ZFAND5: variants seen among roughly 807,000 people sequenced by gnomAD.
The protein encoded by ZFAND5 is zinc finger AN1-type containing 5.
A neutral mutation model predicts 23.6 loss-of-function variants in ZFAND5; 4 were observed. That is an observed-to-expected ratio of 0.17 (90% CI 0.08 to 0.39). The LOEUF is 0.39. ZFAND5 is among the 10% of genes least tolerant of loss of function. The pLI is 1.00. For synonymous variants in ZFAND5, 68 were observed against 80.6 expected (o/e 0.84, Z 0.84); for missense variants, 161 against 253.7 (o/e 0.63, Z 2.48).
chr9:72,356,177 A>C, intron 6 of ZFAND5, 76 bp from the exon 7 acceptor site: 1 of 1,533,790 alleles, frequency 6.5e-7, no homozygotes, highest in Non-Finnish European at 8.8e-7. Flanking sequence ...TCACTATAGA[A>C]AAGGAACCAG....
rs1418362274 is a variant in ZFAND5 at position 72,354,614 on chromosome 9, G to A, written c.*1339C>T. Reference sequence around the variant, plus strand: ...CATAAAATTGAAAGCAAAACTGAATGCTTTAAGAATAAAAGTAAAAACTAG... The same window carrying A: ...CATAAAATTGAAAGCAAAACTGAATACTTTAAGAATAAAAGTAAAAACTAG... On this transcript the variant is annotated 3_prime_UTR_variant, in exon 7 of 7. Transcript: ENST00000376962. The A allele has an allele frequency of 6.6e-6, 1 of 152,612 alleles. No homozygotes were observed. Among genetic ancestry groups the A allele is most frequent in the Admixed American group, 6.5e-5 (1 of 15,276 alleles). 9.5% of individuals were successfully genotyped at this position (152,612 alleles called of 1,614,324 possible).
rs928672479 is a variant in ZFAND5, at chr9:72,355,317, TTGA to T, written c.*633_*635del. The T allele has an allele frequency of 8.5e-5, 13 of 152,666 alleles. No individual in the cohort carries two copies. The highest frequency in any genetic ancestry group is 3.1e-4 in the African/African-American group (13 of 41,460). 9.5% of individuals were successfully genotyped at this position (152,666 alleles called of 1,614,324 possible). ...GTTATCTCAAGACCCTGTTGTTGGC[TTGA>T]TGGTTTTACTTATAACCAGTTTCGA... On this transcript the variant is annotated 3_prime_UTR_variant, in exon 7 of 7. Transcript: ENST00000376962.
At chr9:72,358,009 A>G (rs1229602884) in intron 5 of ZFAND5, among the ~76,000 whole-genome samples, 2 of 152,006 alleles carry the variant, frequency 1.3e-5, no homozygotes, top group African/African-American at 4.8e-5. Context: ...TTTTAATATT[A>G]ATCCAAATGT....
rs1290958476 is a variant in ZFAND5, at chr9:72,353,075, C to CA, written c.*2877dup. 2.6e-5 allele frequency: 4 copies of CA among 152,248 alleles called. No individual in the cohort carries two copies. Among genetic ancestry groups the CA allele is most frequent in the African/African-American group, 9.6e-5 (4 of 41,462 alleles). The allele number at this position is 152,248 out of a possible 1,614,324, so 9.4% of individuals were successfully genotyped here. On this transcript the variant is annotated 3_prime_UTR_variant, in exon 7 of 7. Coordinates refer to ENST00000376962, the MANE Select transcript of ZFAND5 (RefSeq NM_001102420.3). ...GAAGATGAGGTTTTCAAAAAGGACT[C>CA]ACCCATTTATACTGCGAATTCATGT...
In ZFAND5 at chr9:72,360,169, T is replaced by C. The variant is rs1226765240; in HGVS notation, c.204A>G (p.Arg68=). ...CACAGTTGTTTAAGCTAGTGTCTGCTCTCTGTACAGATGCAGAATCTGAGG... is the reference window on the plus strand; with the variant it reads ...CACAGTTGTTTAAGCTAGTGTCTGCCCTCTGTACAGATGCAGAATCTGAGG... The part of the protein sequence containing the change: ...SPTSDSASVQ[R]ADTSLNNCEG... Residue 68 remains arginine (R), a synonymous_variant, in exon 4 of 7, where the codon AGA becomes AGG. Transcript: ENST00000376962. The C allele has an allele frequency of 6.2e-7, 1 of 1,612,926 alleles. No homozygotes were observed. The highest frequency in any genetic ancestry group is 1.7e-5 in the Admixed American group (1 of 59,950).
chr9:72,363,095 T>G (rs569811883), intron 2 of ZFAND5, among the ~76,000 whole-genome samples: 1 of 152,278 alleles, frequency 6.6e-6, no homozygotes, highest in Admixed American at 6.5e-5. Context: ...TCAAGGTTGT[T>G]GATAAAAAAC....
chr9:72,364,712 T>G lies in ZFAND5; in HGVS notation c.-163A>C. On this transcript the variant is annotated 5_prime_UTR_variant, in exon 1 of 7. Coordinates refer to ENST00000376962, the MANE Select transcript of ZFAND5 (RefSeq NM_001102420.3). ...ATCACTCACCCTGCAGGGTCCCAAA[T>G]GCGAAAGCCGGGTTCGCGCGCGAAG... is the stretch of plus-strand genomic sequence containing the variant. The G allele has an allele frequency of 7.0e-6, 6 of 854,438 alleles. No homozygotes were observed. The highest frequency in any genetic ancestry group is 4.7e-5 in the South Asian group (2 of 42,184). The allele number at this position is 854,438 out of a possible 1,614,324, so 52.9% of individuals were successfully genotyped here.
chr9:72,358,143 ACT>A (rs562917663), intron 5 of ZFAND5, among the ~76,000 whole-genome samples: 188 of 152,200 alleles, frequency 1.2e-3, no homozygotes, highest in Non-Finnish European at 2.1e-3. Context: ...TTTCTCTAAA[ACT>A]CTGCCCAAAT....
rs1842067382 is a variant in ZFAND5 at position 72,360,478 on chromosome 9, G to T, written c.151+150C>A. On this transcript the variant is annotated intron_variant, in intron 3 of 6. Coordinates refer to ENST00000376962, the MANE Select transcript of ZFAND5 (RefSeq NM_001102420.3). ...GTAGATAGTCATTCATTCCTGATCA[G>T]TCATGTCAAGCACTTGGGCTGTTGC... The T allele has an allele frequency of 6.6e-6, 7 of 1,061,384 alleles. No homozygotes were observed. In the Admixed American group the frequency reaches 1.6e-4, roughly 24 times the overall value. 65.7% of individuals were successfully genotyped at this position (1,061,384 alleles called of 1,614,324 possible). A position where few individuals can be genotyped will look rare whatever the true frequency, so the allele number is the denominator to read the frequency against.
rs1841770520 is a variant in ZFAND5 at position 72,351,585 on chromosome 9, T to TAC, written c.*4367_*4368insGT. 5.7e-4 allele frequency: 6 copies of TAC among 10,494 alleles called. No homozygotes were observed. The highest frequency in any genetic ancestry group is 1.2e-3 in the African/African-American group (6 of 5,118). The allele number at this position is 10,494 out of a possible 1,614,324, so 0.7% of individuals were successfully genotyped here. A position where few individuals can be genotyped will look rare whatever the true frequency, so the allele number is the denominator to read the frequency against. On this transcript the variant is annotated 3_prime_UTR_variant, in exon 7 of 7. Transcript: ENST00000376962. ...TATTAAATGGCACTTTTGTATTCTG[T>TAC]TGTACTTTTTTTTTTTTTTTTACAT...
In ZFAND5 at chr9:72,359,317, C is replaced by T. The variant is rs957540126; in HGVS notation, c.367+101G>A. On this transcript the variant is annotated intron_variant, in intron 5 of 6. Coordinates refer to ENST00000376962, the MANE Select transcript of ZFAND5 (RefSeq NM_001102420.3). The stretch of plus-strand genomic sequence containing the variant: ...GCTTGGCCTATATTTTATGGCTCTC[C>T]CTCCTCTTTGGTCCTTCAATGGGAA... 1.8e-4 allele frequency: 203 copies of T among 1,123,062 alleles called. 1 individual carries two copies. In the East Asian group the frequency reaches 5.1e-3, roughly 28 times the overall value. The allele number at this position is 1,123,062 out of a possible 1,614,324, so 69.6% of individuals were successfully genotyped here. A position where few individuals can be genotyped will look rare whatever the true frequency, so the allele number is the denominator to read the frequency against.
chr9:72,352,665 G>C lies in ZFAND5; in HGVS notation c.*3288C>G, dbSNP rs1270239360. ...AGAATGATTCTAATGACTTTAAACTGCAAGTTTAAATAACAAATCTTTATC... is the reference window on the plus strand; with the variant it reads ...AGAATGATTCTAATGACTTTAAACTCCAAGTTTAAATAACAAATCTTTATC... On this transcript the variant is annotated 3_prime_UTR_variant, in exon 7 of 7. Coordinates refer to ENST00000376962, the MANE Select transcript of ZFAND5 (RefSeq NM_001102420.3). 1 of 152,168 alleles carries C rather than the reference G, an allele frequency of 6.6e-6. No individual in the cohort carries two copies. Among genetic ancestry groups the C allele is most frequent in the African/African-American group, 2.4e-5 (1 of 41,430 alleles). 9.4% of individuals were successfully genotyped at this position (152,168 alleles called of 1,614,324 possible). A position where few individuals can be genotyped will look rare whatever the true frequency, so the allele number is the denominator to read the frequency against.
chr9:72,364,469 T>G (rs2131990100), intron 1 of ZFAND5: 1 of 1,279,276 alleles, frequency 7.8e-7, no homozygotes. Flanking sequence ...GACCGTGCTG[T>G]GGAGCGAGCC....
rs1191787534 is a variant in ZFAND5, at chr9:72,351,884, C to A, written c.*4069G>T. ...GCCTCACCCATGCAAACTCTTCTAG[C>A]TAGTTTAAGGCTACATAATCTTATT... On this transcript the variant is annotated 3_prime_UTR_variant, in exon 7 of 7. Transcript: ENST00000376962. 3.3e-5 allele frequency: 5 copies of A among 152,170 alleles called. No individual in the cohort carries two copies. Among genetic ancestry groups the A allele is most frequent in the Admixed American group, 6.5e-5 (1 of 15,290 alleles). 9.4% of individuals were successfully genotyped at this position (152,170 alleles called of 1,614,324 possible).
At chr9:72,364,446 T>C (rs780588057) in intron 1 of ZFAND5, 38 of 1,270,246 alleles carry the variant, frequency 3.0e-5, no homozygotes, top group Non-Finnish European at 3.4e-5. Flanking sequence ...CGGCACGCCG[T>C]GCATTGTTTC....
In ZFAND5 at chr9:72,360,272, C is replaced by T. The variant is rs1225702693; in HGVS notation, c.152-51G>A. 4 of 1,454,404 alleles carry T rather than the reference C, an allele frequency of 2.8e-6. No individual in the cohort carries two copies. The African/African-American group carries it at 5.7e-5, about 21-fold the overall frequency. 90.1% of individuals were successfully genotyped at this position (1,454,404 alleles called of 1,614,324 possible). On this transcript the variant is annotated intron_variant, in intron 3 of 6. Coordinates refer to ENST00000376962, the MANE Select transcript of ZFAND5 (RefSeq NM_001102420.3). ...AACCAATGAACACTACAAAAACTCA[C>T]TTAGTATCAAGACGTAGTAATAAAT...
chr9:72,361,555 A>G (rs755405295), intron 2 of ZFAND5, among the ~76,000 whole-genome samples: 59 of 152,340 alleles, frequency 3.9e-4, no homozygotes, highest in Admixed American at 3.9e-4. Flanking sequence ...TCTTCCTCAT[A>G]CCAGAAAATA....
chr9:72,353,890 A>G lies in ZFAND5; in HGVS notation c.*2063T>C, dbSNP rs1335847115. 6.6e-6 allele frequency: 1 copy of G among 152,230 alleles called. No individual in the cohort carries two copies. Among genetic ancestry groups the G allele is most frequent in the Non-Finnish European group, 1.5e-5 (1 of 68,042 alleles). The allele number at this position is 152,230 out of a possible 1,614,324, so 9.4% of individuals were successfully genotyped here. A position where few individuals can be genotyped will look rare whatever the true frequency, so the allele number is the denominator to read the frequency against. ...CATATGTACCTCCCTAACTTGAAGC[A>G]AAAGTAGCAGCATGCAAAGAACTGA... On this transcript the variant is annotated 3_prime_UTR_variant, in exon 7 of 7. Coordinates refer to ENST00000376962, the MANE Select transcript of ZFAND5 (RefSeq NM_001102420.3).
At position 72,352,961 on chromosome 9, in the gene ZFAND5, G is replaced by C. The variant is rs1410863293; in HGVS notation, c.*2992C>G. ...CACTATGCCATAATGCTCAGAAACA[G>C]CTTTCCCTCACAAACTAATTTTCCC... is the stretch of plus-strand genomic sequence containing the variant. On this transcript the variant is annotated 3_prime_UTR_variant, in exon 7 of 7. Transcript: ENST00000376962. 1 of 152,196 alleles carries C rather than the reference G, an allele frequency of 6.6e-6. No homozygotes were observed. The highest frequency in any genetic ancestry group is 1.5e-5 in the Non-Finnish European group (1 of 68,036). The allele number at this position is 152,196 out of a possible 1,614,324, so 9.4% of individuals were successfully genotyped here.
Sources: gnomAD v4.1 joint callset for allele counts (sites outside exome capture counted in the v4.1 genomes callset) on GRCh38, gnomAD v4.1.1 for gene constraint, MANE v1.5 for transcripts, NCBI Gene and HGNC (gene_info 2026-07-23, HGNC 2026-07-21) for gene names.